The following BTAF1 variants were observed in gnomAD, a reference collection of about 807,000 sequenced individuals.
BTAF1 encodes the protein B-TFIID TATA-box binding protein associated factor 1, also known as TATA-binding protein-associated factor 172.
BTAF1 carries 38 observed loss-of-function variants against 227.1 expected under a neutral mutation model. The ratio of observed to expected loss-of-function variants is 0.17; its 90% CI spans 0.13 to 0.22. The LOEUF is 0.22. Ranked by LOEUF, BTAF1 falls within the 10% of genes least tolerant of loss-of-function variation. The pLI, the probability that BTAF1 is intolerant of heterozygous loss-of-function variation, is 1.00. For missense variants in BTAF1, 1,598 were observed against 2,204.0 expected, an observed-to-expected ratio of 0.73 and a Z score of 5.51; for synonymous variants, 742 against 751.9, an observed-to-expected ratio of 0.99 and a Z score of 0.21.
chr10:92,026,474 G>A, intron 35 of BTAF1, 118 bp from the exon 36 acceptor site: 1 of 768,300 alleles, frequency 1.3e-6, no homozygotes, highest in Non-Finnish European at 2.0e-6. Flanking sequence ...GATCATGTAA[G>A]TATCCCTATT....
intron 19 of BTAF1, 36 bp downstream of exon 19, chr10:91,984,440 A>G (rs774658243): frequency 6.6e-6 from 10 of 1,517,318 alleles, no homozygotes; most frequent in Non-Finnish European, 9.0e-6. Context: ...TTAGAGATAG[A>G]ACATGAAATA....
intron 4 of BTAF1, among the ~76,000 whole-genome samples, chr10:91,945,747 G>A (rs1845320461): frequency 6.6e-6 from 1 of 152,204 alleles, no homozygotes; most frequent in Non-Finnish European, 1.5e-5. Context: ...TGTGAACATG[G>A]ATGTACAGAT....
chr10:91,999,484 T>C (rs1270249982), intron 25 of BTAF1, among the ~76,000 whole-genome samples: 1 of 152,100 alleles, frequency 6.6e-6, no homozygotes, highest in African/African-American at 2.4e-5. Flanking sequence ...AACCTCTGCC[T>C]CCCGGGTTCA....
intron 26 of BTAF1, 54 bp downstream of exon 26, chr10:92,008,329 G>A: frequency 7.0e-7 from 1 of 1,432,766 alleles, no homozygotes; most frequent in South Asian, 1.4e-5. Context: ...GAAGCGTTGT[G>A]GGTTTGTTGG....
chr10:91,999,497 C>T (rs145790468), intron 25 of BTAF1, among the ~76,000 whole-genome samples: 56 of 152,244 alleles, frequency 3.7e-4, no homozygotes, highest in Non-Finnish European at 7.4e-4. Context: ...CGGGTTCAAG[C>T]GATTCTCCTG....
rs1850535008 is a variant in BTAF1, at chr10:92,013,951, A to G, written c.4506A>G (p.Arg1502=). The change falls in exon 32 of 38, where the codon AGA becomes AGG. Residue 1502 remains arginine, a synonymous_variant. Transcript: ENST00000265990. ...GCCAAGTACTACCGTTTCTTTTGAG[A>G]AGAATGAAAGAAGATGTTTTGCAGG... ...LHRQVLPFLL[R]RMKEDVLQDL... 1 of 1,613,794 alleles carries G rather than the reference A, an allele frequency of 6.2e-7. No individual in the cohort carries two copies. The highest frequency in any genetic ancestry group is 8.5e-7 in the Non-Finnish European group (1 of 1,179,992).
At chr10:91,948,461 C>G (rs1345728675) in intron 4 of BTAF1, among the ~76,000 whole-genome samples, 1 of 151,632 alleles carries the variant, frequency 6.6e-6, no homozygotes, top group Non-Finnish European at 1.5e-5. Context: ...ATGATCGTAG[C>G]TCAGTGCACC....
At chr10:91,970,578 A>G (rs973473259) in intron 14 of BTAF1, among the ~76,000 whole-genome samples, 3 of 152,198 alleles carry the variant, frequency 2.0e-5, no homozygotes, top group African/African-American at 7.2e-5. Flanking sequence ...ACAGCACAGG[A>G]AAGACCCACT....
rs143511828 is a variant in BTAF1, at chr10:91,938,706, A to G, written c.139-1246A>G. The stretch of plus-strand genomic sequence containing the variant: ...TGAAGTCAAGAAGTGTATGTTGCCA[A>G]GTATGGTGGTACATGCCCATAGGCA... On this transcript the variant is annotated intron_variant, in intron 2 of 37. Coordinates refer to ENST00000265990, the MANE Select transcript of BTAF1 (RefSeq NM_003972.3). Among the ~76,000 whole-genome samples the G allele has an allele frequency of 5.3e-4, 80 of 152,216 alleles. 1 individual carries two copies. The highest frequency in any genetic ancestry group is 1.8e-3 in the African/African-American group (75 of 41,516).
chr10:91,999,393 C>G (rs996553829), intron 25 of BTAF1, among the ~76,000 whole-genome samples: 15 of 151,818 alleles, frequency 9.9e-5, no homozygotes, highest in African/African-American at 3.4e-4. Context: ...AACACATTTT[C>G]AAGACTTTTT....
At chr10:91,988,738 G>A (rs553819055) in intron 19 of BTAF1, among the ~76,000 whole-genome samples, 4 of 152,314 alleles carry the variant, frequency 2.6e-5, no homozygotes, top group Non-Finnish European at 5.9e-5. Flanking sequence ...AAGTTTTCAC[G>A]AGTTTTAGAG....
intron 25 of BTAF1, among the ~76,000 whole-genome samples, chr10:91,998,665 T>C (rs1849299928): frequency 6.6e-6 from 1 of 152,238 alleles, no homozygotes; most frequent in Non-Finnish European, 1.5e-5. Flanking sequence ...TTCCTTTTTA[T>C]TGCTGAATTG....
At chr10:92,000,474 T>C in intron 25 of BTAF1, among the ~76,000 whole-genome samples, 1 of 152,176 alleles carries the variant, frequency 6.6e-6, no homozygotes, top group East Asian at 1.9e-4. Context: ...TGCGCCAAAA[T>C]AGAGCTCACA....
chr10:92,012,616 C>G (rs1850448406), intron 30 of BTAF1, among the ~76,000 whole-genome samples: 1 of 150,550 alleles, frequency 6.6e-6, no homozygotes, highest in Admixed American at 6.6e-5. Flanking sequence ...ACTAAAAATA[C>G]AAAAATTAGC....
At chr10:92,008,066 C>A in intron 25 of BTAF1, 57 bp from the exon 26 acceptor site, 3 of 1,428,376 alleles carry the variant, frequency 2.1e-6, no homozygotes, top group Non-Finnish European at 9.5e-7. Flanking sequence ...TTTATTTGAT[C>A]TAAGAATGAA....
intron 24 of BTAF1, among the ~76,000 whole-genome samples, 167 bp downstream of exon 24, chr10:91,996,737 A>G (rs1469939698): frequency 6.6e-6 from 1 of 152,210 alleles, no homozygotes; most frequent in Admixed American, 6.5e-5. Flanking sequence ...ATTTTATTAC[A>G]AATGTGTTAC....
intron 7 of BTAF1, 57 bp downstream of exon 7, chr10:91,956,714 C>G: frequency 6.4e-7 from 1 of 1,559,180 alleles, no homozygotes; most frequent in Non-Finnish European, 8.7e-7. Flanking sequence ...TTTGGGCCAG[C>G]AGCGGTGGCT....
At chr10:91,985,720 T>G (rs1848354498) in intron 19 of BTAF1, among the ~76,000 whole-genome samples, 1 of 152,188 alleles carries the variant, frequency 6.6e-6, no homozygotes, top group Non-Finnish European at 1.5e-5. Flanking sequence ...ATGACTAATA[T>G]GTTGAATACT....
chr10:91,936,893 G>C (rs1844648697), intron 2 of BTAF1, among the ~76,000 whole-genome samples: 1 of 152,156 alleles, frequency 6.6e-6, no homozygotes, highest in African/African-American at 2.4e-5. Flanking sequence ...TCAGACCTCA[G>C]CATATTGGCT....
Sources: allele counts gnomAD v4.1 joint callset (sites outside exome capture counted in the v4.1 genomes callset), GRCh38; gene constraint gnomAD v4.1.1; transcripts MANE v1.5; gene names NCBI Gene and HGNC (gene_info 2026-07-23, HGNC 2026-07-21).